SGCZ: variants seen among roughly 807,000 people sequenced by gnomAD.
SGCZ encodes the protein sarcoglycan zeta, also known as zeta-sarcoglycan.
In SGCZ, 40 loss-of-function variants were observed where a neutral mutation model predicts 41.3. The observed-to-expected ratio is 0.97, with a 90% confidence interval of 0.75 to 1.26. The LOEUF (loss-of-function observed/expected upper bound fraction) is 1.26, where lower values mean the gene tolerates loss of function less well. Ranked by LOEUF, SGCZ falls within the 50% of genes most tolerant of loss-of-function variation. SGCZ has a pLI of 0.00. For missense variants in SGCZ, 552 were observed against 369.8 expected (o/e 1.49, Z -4.04); for synonymous variants, 206 against 137.5 (o/e 1.50, Z -3.49).
chr8:14,910,082 G>C (rs552662414), intron 1 of SGCZ, among the ~76,000 whole-genome samples: 82 of 152,098 alleles, frequency 5.4e-4, no homozygotes, highest in African/African-American at 1.9e-3. Flanking sequence ...AAAACTGTAA[G>C]TTTATCATAA....
At position 14,921,274 on chromosome 8, in the gene SGCZ, A is replaced by G. The variant is rs558102042; in HGVS notation, c.39+316311T>C. ...CTCTCCTTCAGACCTAAAATGATCTATGAGGTTGTCAAAGTTCTCCTGATT... is the reference window on the plus strand; with the variant it reads ...CTCTCCTTCAGACCTAAAATGATCTGTGAGGTTGTCAAAGTTCTCCTGATT... On this transcript the variant is annotated intron_variant, in intron 1 of 7. Coordinates refer to ENST00000382080, the MANE Select transcript of SGCZ (RefSeq NM_139167.4). 1.1e-4 allele frequency among the ~76,000 whole-genome samples: 16 copies of G among 152,254 alleles called. No homozygotes were observed. The South Asian group carries it at 3.3e-3, about 32-fold the overall frequency.
At chr8:14,106,319 T>C (rs545572750) in intron 6 of SGCZ, among the ~76,000 whole-genome samples, 7 of 152,284 alleles carry the variant, frequency 4.6e-5, no homozygotes, top group East Asian at 1.9e-4. Context: ...AAAAGAGCCA[T>C]AAATGAAGAC....
chr8:14,801,019 A>G (rs960752753), intron 1 of SGCZ, among the ~76,000 whole-genome samples: 2 of 152,224 alleles, frequency 1.3e-5, no homozygotes, highest in Non-Finnish European at 2.9e-5. Flanking sequence ...TTAACTTTAT[A>G]ACTATAATTT....
intron 1 of SGCZ, among the ~76,000 whole-genome samples, chr8:15,135,210 A>G (rs1445938587): frequency 6.6e-6 from 1 of 152,208 alleles, no homozygotes; most frequent in African/African-American, 2.4e-5. Flanking sequence ...GCTATTAAGT[A>G]GATCAATGTA....
chr8:14,263,136 C>G (rs1301177754), intron 3 of SGCZ, among the ~76,000 whole-genome samples: 2 of 152,060 alleles, frequency 1.3e-5, no homozygotes, highest in African/African-American at 4.8e-5. Flanking sequence ...TTAAACACTA[C>G]AAACTAAAAA....
chr8:14,116,780 G>T (rs1228754610), intron 5 of SGCZ, among the ~76,000 whole-genome samples: 1 of 152,018 alleles, frequency 6.6e-6, no homozygotes, highest in Non-Finnish European at 1.5e-5. Flanking sequence ...AAGAGGACTG[G>T]TAGCATTCTT....
chr8:14,867,903 CT>C (rs1267635594), intron 1 of SGCZ, among the ~76,000 whole-genome samples: 1 of 149,930 alleles, frequency 6.7e-6, no homozygotes, highest in Non-Finnish European at 1.5e-5. Flanking sequence ...ACTTGTGCCC[CT>C]GAACTTAAAA....
chr8:14,892,874 G>T (rs1805065060), intron 1 of SGCZ, among the ~76,000 whole-genome samples: 1 of 152,120 alleles, frequency 6.6e-6, no homozygotes, highest in South Asian at 2.1e-4. Flanking sequence ...TCATTCTATG[G>T]TTCTAAAATC....
intron 1 of SGCZ, among the ~76,000 whole-genome samples, chr8:14,580,602 A>G (rs1055527067): frequency 3.3e-5 from 5 of 152,226 alleles, no homozygotes; most frequent in Non-Finnish European, 5.9e-5. Context: ...AATTGGAAAT[A>G]CAACTGGACT....
intron 1 of SGCZ, among the ~76,000 whole-genome samples, chr8:15,051,533 T>C (rs1744882935): frequency 6.6e-6 from 1 of 152,138 alleles, no homozygotes; most frequent in African/African-American, 2.4e-5. Context: ...ATACCCAGGA[T>C]TGGAATTGTG....
chr8:14,684,028 A>T (rs949402601), intron 1 of SGCZ, among the ~76,000 whole-genome samples: 1 of 152,182 alleles, frequency 6.6e-6, no homozygotes, highest in African/African-American at 2.4e-5. Context: ...AGTGATATAT[A>T]AAAGTGGTTT....
chr8:14,457,151 G>A (rs150875228), intron 2 of SGCZ, among the ~76,000 whole-genome samples: 1,722 of 152,336 alleles, frequency 0.011, 14 homozygotes, highest in Middle Eastern at 0.048. Context: ...TCATTAGTTT[G>A]TAGCAATTAC....
chr8:14,861,703 T>G (rs1283186677), intron 1 of SGCZ, among the ~76,000 whole-genome samples: 3 of 152,034 alleles, frequency 2.0e-5, no homozygotes, highest in Non-Finnish European at 4.4e-5. Context: ...GAACAAGTGG[T>G]CTTGCATTTT....
chr8:14,535,955 C>A (rs1803283620), intron 2 of SGCZ, among the ~76,000 whole-genome samples: 2 of 151,844 alleles, frequency 1.3e-5, no homozygotes, highest in African/African-American at 2.4e-5. Context: ...GATGATCTTA[C>A]ATAGTTTCAA....
chr8:15,216,210 ATTCTTTTTTT>A lies in SGCZ; in HGVS notation c.39+21365_39+21374del, dbSNP rs1486501154. Reference sequence around the variant, plus strand: ...GATGTTTTAAGTATCATTTTAGCTTATTCTTTTTTTTTCTTTTTTTTTTTTTTTTGAGACG... The same window carrying A: ...GATGTTTTAAGTATCATTTTAGCTTATTCTTTTTTTTTTTTTTTTGAGACG... On this transcript the variant is annotated intron_variant, in intron 1 of 7. Transcript: ENST00000382080. Among the ~76,000 whole-genome samples the A allele has an allele frequency of 2.2e-5, 3 of 137,722 alleles. No homozygotes were observed. In the East Asian group the frequency reaches 6.7e-4, roughly 31 times the overall value. The allele number at this position is 137,722 out of a possible 152,430, so 90.4% of individuals were successfully genotyped here.
chr8:14,593,505 T>A (rs1307669728), intron 1 of SGCZ, among the ~76,000 whole-genome samples: 2 of 152,186 alleles, frequency 1.3e-5, no homozygotes, highest in African/African-American at 4.8e-5. Context: ...CAAACACACC[T>A]GCTTTCCAAG....
chr8:14,358,390 G>A lies in SGCZ; in HGVS notation c.235-34186C>T, dbSNP rs1418992907. Among the ~76,000 whole-genome samples the A allele has an allele frequency of 2.6e-5, 4 of 151,986 alleles. No homozygotes were observed. The East Asian group carries it at 7.7e-4, about 29-fold the overall frequency. On this transcript the variant is annotated intron_variant, in intron 2 of 7. Transcript: ENST00000382080. ...TATGTCATCATTATCTACAAATCAT[G>A]TTTTTTCATTATGTTGTCATCAATC...
At chr8:14,563,271 C>A (rs781598304) in intron 1 of SGCZ, among the ~76,000 whole-genome samples, 6 of 152,162 alleles carry the variant, frequency 3.9e-5, no homozygotes, top group Non-Finnish European at 8.8e-5. Flanking sequence ...TCTTTCCATT[C>A]CTTCAGTGAG....
intron 5 of SGCZ, among the ~76,000 whole-genome samples, chr8:14,159,768 A>G (rs1045835513): frequency 2.0e-5 from 3 of 152,162 alleles, no homozygotes; most frequent in Admixed American, 6.5e-5. Flanking sequence ...AAGAGGAACA[A>G]TGGCCTATCT....
Sources: allele counts gnomAD v4.1 joint callset (sites outside exome capture counted in the v4.1 genomes callset), GRCh38; gene constraint gnomAD v4.1.1; transcripts MANE v1.5; gene names NCBI Gene and HGNC (gene_info 2026-07-23, HGNC 2026-07-21).